TBX21: variants seen among roughly 807,000 people sequenced by gnomAD.
TBX21 encodes the protein T-box transcription factor 21.
In TBX21, 11 loss-of-function variants were observed where a neutral mutation model predicts 52.2. That is an observed-to-expected ratio of 0.21 (90% CI 0.13 to 0.35). The LOEUF is 0.35. TBX21 is among the 10% of genes least tolerant of loss of function. The probability of loss-of-function intolerance (pLI) is 1.00; values close to 1 mark genes in which losing one functional copy is unlikely to be tolerated. For synonymous variants in TBX21, 300 were observed against 316.1 expected, an observed-to-expected ratio of 0.95 and a Z score of 0.54; for missense variants, 625 against 755.1, an observed-to-expected ratio of 0.83 and a Z score of 2.02.
rs748779791 is a variant in TBX21, at chr17:47,745,175, C to T, written c.1417C>T (p.Pro473Ser). ...GGGACGGGGACCAGAGGACCAGGGT[C>T]CCCCCTTGGTGTGGACTGAGATTGC... ...SEGRGPEDQG[P>S]PLVWTEIAPI... The change falls in exon 6 of 6, where the codon CCC becomes TCC. Residue 473 changes from proline (P) to serine (S), a missense_variant. Around this residue, in one of 4 missense-constraint regions of TBX21, gnomAD observed 261 missense variants for 275.1 expected, o/e 0.95. Coordinates refer to ENST00000177694, the MANE Select transcript of TBX21 (RefSeq NM_013351.2). 14 of 1,614,018 alleles carry T rather than the reference C, an allele frequency of 8.7e-6. No homozygotes were observed. Among genetic ancestry groups the T allele is most frequent in the Admixed American group, 5.0e-5 (3 of 60,002 alleles).
chr17:47,744,989 T>C lies in TBX21; in HGVS notation c.1231T>C (p.Ser411Pro). 6.2e-7 allele frequency: 1 copy of C among 1,613,348 alleles called. No individual in the cohort carries two copies. The highest frequency in any genetic ancestry group is 8.5e-7 in the Non-Finnish European group (1 of 1,180,032). ...CAGCATGAAGCCTGCATTCTTGCCC[T>C]CTGCCCCTGGGCCCACCATGTCCTA... ...AVSMKPAFLP[S>P]APGPTMSYYR... The change falls in exon 6 of 6, where the codon TCT (serine) becomes CCT (proline). Residue 411 changes from serine (S) to proline (P), a missense_variant. Around this residue, in one of 4 missense-constraint regions of TBX21, gnomAD observed 261 missense variants for 275.1 expected, o/e 0.95. Coordinates refer to ENST00000177694, the MANE Select transcript of TBX21 (RefSeq NM_013351.2).
chr17:47,733,954 G>C lies in TBX21; in HGVS notation c.491+9G>C. 1.9e-6 allele frequency: 3 copies of C among 1,612,948 alleles called. No individual in the cohort carries two copies. The highest frequency in any genetic ancestry group is 1.1e-5 in the South Asian group (1 of 91,000). On this transcript the variant is annotated intron_variant, in intron 1 of 5. Transcript: ENST00000177694. This position sits in a 1 kb window ranked among gnomAD's most constrained non-coding sequence, Gnocchi z 6.6. ...ATCACCAAGCAGGGACGGTGAGTGC[G>C]GCGCGCCGGCCCTTGGGGCCTCTGT...
Position 47,742,548 on chromosome 17 carries a change from A to AG in TBX21, c.492-56dup. The AG allele has an allele frequency of 1.3e-6, 2 of 1,514,248 alleles. No individual in the cohort carries two copies. The highest frequency in any genetic ancestry group is 1.3e-5 in the South Asian group (1 of 76,350). 93.8% of individuals were successfully genotyped at this position (1,514,248 alleles called of 1,614,324 possible). A position where few individuals can be genotyped will look rare whatever the true frequency, so the allele number is the denominator to read the frequency against. ...ACCACTGATGCCTGGGCACTGTTGC[A>AG]GGGGGGACTGGCTGTCAAGCTGGAG... is the stretch of plus-strand genomic sequence containing the variant. On this transcript the variant is annotated intron_variant, in intron 1 of 5. Transcript: ENST00000177694. This position sits in a 1 kb window ranked among gnomAD's most constrained non-coding sequence, Gnocchi z 4.4.
intron 3 of TBX21, 105 bp from the exon 4 acceptor site, chr17:47,744,090 C>A (rs1365732257): frequency 2.8e-6 from 4 of 1,446,106 alleles, no homozygotes; most frequent in Non-Finnish European, 3.8e-6. Flanking sequence ...ACAGGATGAC[C>A]TCAAGGTGCT....
intron 1 of TBX21, among the ~76,000 whole-genome samples, chr17:47,735,325 G>A (rs1352208971): frequency 6.6e-6 from 1 of 152,130 alleles, no homozygotes; most frequent in Non-Finnish European, 1.5e-5. Flanking sequence ...CTTTCCCTGG[G>A]ATGAACCCAG....
chr17:47,737,113 T>C (rs912748994), intron 1 of TBX21, among the ~76,000 whole-genome samples: 4 of 152,052 alleles, frequency 2.6e-5, no homozygotes, highest in African/African-American at 9.7e-5. Flanking sequence ...AACAAAACGG[T>C]GGATTATCCC....
chr17:47,744,827 C>A lies in TBX21; in HGVS notation c.1069C>A (p.Pro357Thr). ...CQFLGGDHYSPLLPNQYPVPS... is the reference protein window; with the variant it reads ...CQFLGGDHYSTLLPNQYPVPS... ...ATTCCTTGGGGGAGATCACTACTCT[C>A]CTCTCCTACCCAACCAGTATCCTGT... The change falls in exon 6 of 6, where the codon CCT becomes ACT. Residue 357 changes from proline to threonine, a missense_variant. Physicochemically the swap from Pro to Thr is conservative, Grantham distance 38. Transcript: ENST00000177694. The A allele has an allele frequency of 1.2e-6, 2 of 1,614,214 alleles. No homozygotes were observed. The highest frequency in any genetic ancestry group is 1.7e-6 in the Non-Finnish European group (2 of 1,180,032).
In TBX21 at chr17:47,744,290, C is replaced by A. The variant is rs1210743480; in HGVS notation, c.864C>A (p.Asn288Lys). 6.2e-7 allele frequency: 1 copy of A among 1,614,242 alleles called. No homozygotes were observed. Among genetic ancestry groups the A allele is most frequent in the South Asian group, 1.1e-5 (1 of 91,090 alleles). The change falls in exon 4 of 6, where the codon AAC (asparagine) becomes AAA (lysine). Residue 288 changes from asparagine (N) to lysine (K), a missense_variant. Physicochemically the swap from Asn to Lys is moderately conservative, Grantham distance 94 (BLOSUM62 0). This residue lies in a region of TBX21 where 142 missense variants were observed against 258.5 expected (regional missense o/e 0.55). Coordinates refer to ENST00000177694, the MANE Select transcript of TBX21 (RefSeq NM_013351.2). ...GEPEAACNAS[N>K]THIFTFQETQ... ...CAGAGGCAGCCTGCAACGCTTCCAA[C>A]ACGCATATCTTTACTTTCCAAGAAA...
At position 47,733,814 on chromosome 17, in the gene TBX21, G is replaced by T; in HGVS notation, c.360G>T (p.Gly120=). ...ACCCGCGCGCCGGGCTCTACCCGGG[G>T]CCGCGTGAGGACTACGCGCTACCCG... ...APDPRAGLYP[G]PREDYALPAG... Residue 120 remains glycine, a synonymous_variant, in exon 1 of 6, where the codon GGG becomes GGT. Transcript: ENST00000177694. The surrounding 1 kb of genome is among the most constrained non-coding windows in gnomAD (Gnocchi z 6.6). 6.3e-7 allele frequency: 1 copy of T among 1,597,400 alleles called. No homozygotes were observed. Among genetic ancestry groups the T allele is most frequent in the Non-Finnish European group, 8.5e-7 (1 of 1,173,072 alleles).
chr17:47,739,343 G>A (rs866392793), intron 1 of TBX21, among the ~76,000 whole-genome samples: 1 of 152,124 alleles, frequency 6.6e-6, no homozygotes, highest in South Asian at 2.1e-4. Flanking sequence ...AGGATGAGCT[G>A]GGCATGGTGG....
chr17:47,733,628 C>T lies in TBX21; in HGVS notation c.174C>T (p.Tyr58=), dbSNP rs1204152934. The change falls in exon 1 of 6, where the codon TAC becomes TAT. Residue 58 remains tyrosine (Y), a synonymous_variant. Coordinates refer to ENST00000177694, the MANE Select transcript of TBX21 (RefSeq NM_013351.2). This position sits in a 1 kb window ranked among gnomAD's most constrained non-coding sequence, Gnocchi z 6.6. ...RRGGGSLGSP[Y]PGGALVPAPP... ...GGGGCGGCAGCCTGGGGTCTCCCTA[C>T]CCGGGGGGCGCCTTGGTGCCCGCCC... 3.4e-6 allele frequency: 5 copies of T among 1,450,816 alleles called. No homozygotes were observed. Among genetic ancestry groups the T allele is most frequent in the South Asian group, 1.4e-5 (1 of 73,304 alleles). 89.9% of individuals were successfully genotyped at this position (1,450,816 alleles called of 1,614,324 possible).
In TBX21 at chr17:47,744,300, T is replaced by A. The variant is rs1431876020; in HGVS notation, c.874T>A (p.Phe292Ile). The A allele has an allele frequency of 1.2e-6, 2 of 1,614,184 alleles. No homozygotes were observed. Among genetic ancestry groups the A allele is most frequent in the Non-Finnish European group, 1.7e-6 (2 of 1,180,038 alleles). The change falls in exon 4 of 6, where the codon TTT becomes ATT. Residue 292 changes from phenylalanine (F) to isoleucine (I), a missense_variant. Physicochemically the swap from Phe to Ile is conservative, Grantham distance 21. Around this residue, in one of 4 missense-constraint regions of TBX21, gnomAD observed 142 missense variants for 258.5 expected, o/e 0.55. Transcript: ENST00000177694. The stretch of plus-strand genomic sequence containing the variant: ...CTGCAACGCTTCCAACACGCATATC[T>A]TTACTTTCCAAGAAACCCAGTTCAT... ...AACNASNTHI[F>I]TFQETQFIAV...
chr17:47,737,318 G>A (rs77459045), intron 1 of TBX21, among the ~76,000 whole-genome samples: 615 of 152,258 alleles, frequency 4.0e-3, no homozygotes, highest in African/African-American at 8.5e-3. Flanking sequence ...GTGTGTGGGT[G>A]TGTATTAATT....
At chr17:47,743,307 C>T (rs1211204678) in intron 3 of TBX21, 115 bp downstream of exon 3, 10 of 1,380,672 alleles carry the variant, frequency 7.2e-6, no homozygotes, top group Non-Finnish European at 8.8e-6. Context: ...TTCCTTCCTA[C>T]AGGAAGGAAG....
Position 47,743,071 on chromosome 17 carries a change from G to A in TBX21, c.647G>A (p.Gly216Glu). The A allele has an allele frequency of 6.2e-7, 1 of 1,614,108 alleles. No homozygotes were observed. Among genetic ancestry groups the A allele is most frequent in the Non-Finnish European group, 8.5e-7 (1 of 1,180,008 alleles). Residue 216 changes from glycine to glutamate, a missense_variant and splice_region_variant, in exon 3 of 6, where the codon GGA becomes GAA. Around this residue, in one of 4 missense-constraint regions of TBX21, gnomAD observed 142 missense variants for 258.5 expected, o/e 0.55. Coordinates refer to ENST00000177694, the MANE Select transcript of TBX21 (RefSeq NM_013351.2). ...TGTCAAAGAGGTGAACTGTCCACAG[G>A]AAACCGCCTGTACGTCCACCCGGAC... Reference protein sequence around the residue: ...QCGKAEGSMPGNRLYVHPDSP... With the variant: ...QCGKAEGSMPENRLYVHPDSP...
In TBX21 at chr17:47,744,294, C is replaced by T; in HGVS notation, c.868C>T (p.His290Tyr). Residue 290 changes from histidine (H) to tyrosine (Y), a missense_variant, in exon 4 of 6, where the codon CAT (histidine) becomes TAT (tyrosine). This residue lies in a region of TBX21 where 142 missense variants were observed against 258.5 expected (regional missense o/e 0.55). Coordinates refer to ENST00000177694, the MANE Select transcript of TBX21 (RefSeq NM_013351.2). ...GGCAGCCTGCAACGCTTCCAACACG[C>T]ATATCTTTACTTTCCAAGAAACCCA... ...PEAACNASNTHIFTFQETQFI... is the reference protein window; with the variant it reads ...PEAACNASNTYIFTFQETQFI... The T allele has an allele frequency of 6.8e-6, 11 of 1,614,222 alleles. No homozygotes were observed. Among genetic ancestry groups the T allele is most frequent in the Non-Finnish European group, 9.3e-6 (11 of 1,180,054 alleles).
chr17:47,736,178 A>AT (rs934784354), intron 1 of TBX21, among the ~76,000 whole-genome samples: 11 of 152,194 alleles, frequency 7.2e-5, no homozygotes, highest in Admixed American at 5.2e-4. Flanking sequence ...ATACACTTAC[A>AT]TTTTTTTATT....
intron 1 of TBX21, among the ~76,000 whole-genome samples, chr17:47,738,754 C>T (rs926935892): frequency 6.6e-6 from 1 of 152,134 alleles, no homozygotes; most frequent in Non-Finnish European, 1.5e-5. Flanking sequence ...GCATGCACCA[C>T]CACGCCTGGC....
At chr17:47,736,770 C>T (rs755458917) in intron 1 of TBX21, among the ~76,000 whole-genome samples, 32 of 152,218 alleles carry the variant, frequency 2.1e-4, no homozygotes, top group African/African-American at 6.5e-4. Context: ...GCTTCCTTTC[C>T]GTCTTCCTGC....
Sources: gnomAD v4.1 joint callset for allele counts (sites outside exome capture counted in the v4.1 genomes callset) on GRCh38, gnomAD v4.1.1 for gene constraint, gnomAD v4.1.1 regional missense constraint, Gnocchi (gnomAD v3.1) non-coding constraint, MANE v1.5 for transcripts, NCBI Gene and HGNC (gene_info 2026-07-23, HGNC 2026-07-21) for gene names.